The following MEF2C variants were observed in gnomAD, a reference collection of about 807,000 sequenced individuals.
The protein encoded by MEF2C is myocyte enhancer factor 2C.
Under a neutral mutation model 50.5 loss-of-function variants are expected in MEF2C, and 6 were observed. The observed-to-expected ratio is 0.12, with a 90% CI of 0.07 to 0.23. The LOEUF (loss-of-function observed/expected upper bound fraction) is 0.23. MEF2C is among the 10% of genes least tolerant of loss of function. The pLI is 1.00. For synonymous variants in MEF2C, 183 were observed against 228.0 expected, an observed-to-expected ratio of 0.80 and a Z score of 1.78; for missense variants, 276 against 605.0, an observed-to-expected ratio of 0.46 and a Z score of 5.70.
At chr5:88,735,985 A>G (rs1581477286) in intron 6 of MEF2C, 1 of 985,186 alleles carries the variant, frequency 1.0e-6, no homozygotes, top group Non-Finnish European at 1.2e-6. Flanking sequence ...ACTAATAAGC[A>G]TAAACAGAAT....
intron 4 of MEF2C, among the ~76,000 whole-genome samples, chr5:88,756,562 G>A (rs1261998553): frequency 1.3e-5 from 2 of 152,198 alleles, no homozygotes; most frequent in Non-Finnish European, 2.9e-5. Context: ...TCCAGGTTAT[G>A]TAATAAATTG....
chr5:88,766,405 A>C (rs1006238199), intron 3 of MEF2C, among the ~76,000 whole-genome samples: 1 of 152,218 alleles, frequency 6.6e-6, no homozygotes, highest in Admixed American at 6.5e-5. Flanking sequence ...TTATTTAAAA[A>C]ATTTTTTCCT....
chr5:88,781,160 C>T (rs1397478659), intron 3 of MEF2C, among the ~76,000 whole-genome samples: 2 of 152,044 alleles, frequency 1.3e-5, no homozygotes, highest in Non-Finnish European at 2.9e-5. Flanking sequence ...CACGTTATTA[C>T]ACAAGAAATA....
At chr5:88,729,013 G>A (rs1171408906) in intron 9 of MEF2C, among the ~76,000 whole-genome samples, 1 of 152,114 alleles carries the variant, frequency 6.6e-6, no homozygotes, top group Admixed American at 6.5e-5. Flanking sequence ...TTTGAACTCA[G>A]GTTGCATAAA....
At chr5:88,812,037 T>TA (rs998763698) in intron 2 of MEF2C, among the ~76,000 whole-genome samples, 11 of 152,150 alleles carry the variant, frequency 7.2e-5, no homozygotes, top group Admixed American at 3.3e-4. Context: ...TGTAAATAAC[T>TA]TGTTAACTGT....
chr5:88,818,627 C>A (rs1806734350), intron 2 of MEF2C, among the ~76,000 whole-genome samples: 1 of 151,942 alleles, frequency 6.6e-6, no homozygotes, highest in Non-Finnish European at 1.5e-5. Flanking sequence ...TGTCATAAAT[C>A]CTCTGCAAAC....
At chr5:88,829,438 CTGTTT>C (rs939047877) in intron 1 of MEF2C, among the ~76,000 whole-genome samples, 1 of 148,152 alleles carries the variant, frequency 6.7e-6, no homozygotes, top group African/African-American at 2.4e-5. Flanking sequence ...TCCTCAACAT[CTGTTT>C]TATTTGTTTG....
At chr5:88,833,587 AT>A (rs1297357289) in intron 1 of MEF2C, among the ~76,000 whole-genome samples, 2 of 152,272 alleles carry the variant, frequency 1.3e-5, no homozygotes, top group East Asian at 3.9e-4. Flanking sequence ...CATGATTGCA[AT>A]TGAACCTCAT....
At chr5:88,859,581 T>A (rs1824762655) in intron 1 of MEF2C, among the ~76,000 whole-genome samples, 1 of 152,236 alleles carries the variant, frequency 6.6e-6, no homozygotes, top group African/African-American at 2.4e-5. Context: ...GTTTTCAGTA[T>A]CCTATTTTAG....
At chr5:88,810,994 A>T (rs1404463918) in intron 2 of MEF2C, among the ~76,000 whole-genome samples, 2 of 152,140 alleles carry the variant, frequency 1.3e-5, no homozygotes, top group Non-Finnish European at 2.9e-5. Context: ...CAGGTTGGGG[A>T]TAATTAAGGA....
intron 10 of MEF2C, among the ~76,000 whole-genome samples, chr5:88,728,123 C>A (rs900759145): frequency 6.6e-6 from 1 of 151,842 alleles, no homozygotes; most frequent in Non-Finnish European, 1.5e-5. Flanking sequence ...TTAGCATAAA[C>A]CATATGGTTT....
At position 88,891,662 on chromosome 5, in the gene MEF2C, G is replaced by A. The variant is rs539642280; in HGVS notation, c.-239-4064C>T. ...CCTGACCTCGTGATCTGCCTGTCTC[G>A]GCCACCCAAAGTACTGGGATTACAG... On this transcript the variant is annotated intron_variant, in intron 1 of 11. Coordinates refer to the MEF2C transcript ENST00000340208. Among the ~76,000 whole-genome samples the A allele has an allele frequency of 4.6e-5, 7 of 151,996 alleles. No individual in the cohort carries two copies. In the South Asian group the frequency reaches 1.2e-3, roughly 27 times the overall value.
chr5:88,746,441 C>CTTT (rs5869439), intron 6 of MEF2C: 90 of 685,920 alleles, frequency 1.3e-4, no homozygotes, highest in Non-Finnish European at 1.5e-4. Context: ...CTCCCTCTCA[C>CTTT]TTTTTTTTTT....
At chr5:88,893,642 T>C (rs1486182809) in intron 1 of MEF2C, among the ~76,000 whole-genome samples, 2 of 152,286 alleles carry the variant, frequency 1.3e-5, no homozygotes, top group African/African-American at 4.8e-5. Context: ...GAAAATGTTA[T>C]GTTTTCAAGA....
intron 1 of MEF2C, among the ~76,000 whole-genome samples, chr5:88,830,608 C>G (rs990879680): frequency 1.1e-4 from 16 of 152,022 alleles, no homozygotes; most frequent in Non-Finnish European, 2.9e-5. Flanking sequence ...AAAATAAACT[C>G]CAAATGGTCT....
chr5:88,841,648 T>C (rs1817429103), intron 1 of MEF2C, among the ~76,000 whole-genome samples: 1 of 152,232 alleles, frequency 6.6e-6, no homozygotes, highest in Admixed American at 6.5e-5. Flanking sequence ...CACATACTTG[T>C]ATTACATTTC....
chr5:88,830,223 A>AT (rs1230537739), intron 1 of MEF2C, among the ~76,000 whole-genome samples: 2 of 151,930 alleles, frequency 1.3e-5, no homozygotes, highest in Non-Finnish European at 2.9e-5. Context: ...AAATACATCA[A>AT]TTTTCCCCAT....
intron 4 of MEF2C, among the ~76,000 whole-genome samples, chr5:88,753,711 G>C (rs185714976): frequency 1.3e-5 from 2 of 152,188 alleles, no homozygotes; most frequent in Admixed American, 1.3e-4. Flanking sequence ...TTGTTTTAGA[G>C]GGAAATAAAA....
chr5:88,865,842 T>C (rs1435334279), intron 1 of MEF2C, among the ~76,000 whole-genome samples: 1 of 152,130 alleles, frequency 6.6e-6, no homozygotes, highest in Non-Finnish European at 1.5e-5. Context: ...CTGAAATCAA[T>C]TAATTCCAAA....
Sources: gnomAD v4.1 joint callset for allele counts (sites outside exome capture counted in the v4.1 genomes callset) on GRCh38, gnomAD v4.1.1 for gene constraint, MANE v1.5 for transcripts, NCBI Gene and HGNC (gene_info 2026-07-23, HGNC 2026-07-21) for gene names.